UNC13B: variants seen among roughly 807,000 people sequenced by gnomAD.
UNC13B encodes protein unc-13 homolog B.
UNC13B carries 144 observed loss-of-function variants against 211.0 expected under a neutral mutation model. The observed-to-expected ratio is 0.68, with a 90% CI of 0.60 to 0.78. The LOEUF (loss-of-function observed/expected upper bound fraction) is 0.78, where lower values mean the gene tolerates loss of function less well. Ranked by LOEUF, UNC13B falls within the 30% of genes least tolerant of loss-of-function variation. UNC13B has a pLI of 0.00. For missense variants in UNC13B, 1,777 were observed against 2,002.0 expected (o/e 0.89, Z 2.14); for synonymous variants, 709 against 725.8 (o/e 0.98, Z 0.37).
In UNC13B at chr9:35,343,098, T is replaced by C. The variant is rs142612587; in HGVS notation, c.9415-23849T>C. On this transcript the variant is annotated intron_variant, in intron 11 of 39. Coordinates refer to ENST00000635942, the MANE Select transcript of UNC13B (RefSeq NM_001371189.2). ...CATGTATGAAGAAAGAGCACTAACT[T>C]TGCAGATTGAAGACTCACTTTTAAA... Among the ~76,000 whole-genome samples, 323 of 152,354 alleles carry C rather than the reference T, an allele frequency of 2.1e-3. 3 individuals carry two copies. The highest frequency in any genetic ancestry group is 6.7e-3 in the African/African-American group (277 of 41,590).
Position 35,256,674 on chromosome 9 carries a change from C to T in UNC13B, c.469-2319C>T, listed in dbSNP as rs1587481459. Among the ~76,000 whole-genome samples the T allele has an allele frequency of 1.3e-5, 2 of 152,176 alleles. 1 individual carries two copies. The highest frequency in any genetic ancestry group is 1.3e-4 in the Admixed American group (2 of 15,282). Reference sequence around the variant, plus strand: ...TTGAACTGGCCTAGCATTTAATACCCACCTGGACAGGCTATATGTACATTT... The same window carrying T: ...TTGAACTGGCCTAGCATTTAATACCTACCTGGACAGGCTATATGTACATTT... On this transcript the variant is annotated intron_variant, in intron 6 of 39. Coordinates refer to ENST00000635942, the MANE Select transcript of UNC13B (RefSeq NM_001371189.2).
chr9:35,354,055 G>A (rs1378669374), intron 11 of UNC13B, among the ~76,000 whole-genome samples: 2 of 152,174 alleles, frequency 1.3e-5, no homozygotes, highest in African/African-American at 4.8e-5. Flanking sequence ...AGAGGAAGCC[G>A]TCCTTATCTT....
chr9:35,394,132 C>A (rs1835723654), intron 26 of UNC13B, among the ~76,000 whole-genome samples: 1 of 151,824 alleles, frequency 6.6e-6, no homozygotes, highest in African/African-American at 2.4e-5. Flanking sequence ...CAGGGGCTGG[C>A]GATTTAACTG....
At chr9:35,374,832 G>A (rs1471925705) in intron 13 of UNC13B, among the ~76,000 whole-genome samples, 1 of 152,118 alleles carries the variant, frequency 6.6e-6, no homozygotes, top group East Asian at 1.9e-4. Context: ...TAAACAAGGA[G>A]TTTCTGTGGG....
chr9:35,258,449 G>C (rs1005841363), intron 6 of UNC13B, among the ~76,000 whole-genome samples: 6 of 152,188 alleles, frequency 3.9e-5, no homozygotes, highest in African/African-American at 1.4e-4. Context: ...TGGTGGGTGG[G>C]ATGGCGGAGG....
At chr9:35,213,456 A>G (rs965336246) in intron 1 of UNC13B, among the ~76,000 whole-genome samples, 25 of 152,322 alleles carry the variant, frequency 1.6e-4, no homozygotes, top group African/African-American at 5.8e-4. Flanking sequence ...ACTGTGAGAA[A>G]TAAATTATTG....
intron 14 of UNC13B, 45 bp downstream of exon 14, chr9:35,375,246 G>A: frequency 6.3e-7 from 1 of 1,581,648 alleles, no homozygotes; most frequent in Non-Finnish European, 8.7e-7. Context: ...CCTCAGGACT[G>A]GTGATCATCT....
At position 35,209,915 on chromosome 9, in the gene UNC13B, C is replaced by T. The variant is rs370550954; in HGVS notation, c.23-18100C>T. ...GTGGACTAATACTTTCCTTAGGTGC[C>T]TTACCCTTCTTTTAAGCACACGGCA... On this transcript the variant is annotated intron_variant, in intron 1 of 39. Coordinates refer to ENST00000635942, the MANE Select transcript of UNC13B (RefSeq NM_001371189.2). Among the ~76,000 whole-genome samples the T allele has an allele frequency of 7.6e-4, 115 of 152,052 alleles. 2 individuals are homozygous for T. The South Asian group carries it at 0.019, about 25-fold the overall frequency.
intron 16 of UNC13B, 138 bp from the exon 17 acceptor site, chr9:35,378,157 C>T: frequency 3.1e-6 from 4 of 1,271,868 alleles, no homozygotes; most frequent in Non-Finnish European, 4.2e-6. Context: ...TGGCCCAGGA[C>T]AAAGAATAAA....
chr9:35,227,160 AT>A (rs1824895290), intron 1 of UNC13B, among the ~76,000 whole-genome samples: 1 of 152,190 alleles, frequency 6.6e-6, no homozygotes, highest in African/African-American at 2.4e-5. Flanking sequence ...AAAAGAATAG[AT>A]TTTAGTAAAA....
At chr9:35,207,165 G>A (rs538737725) in intron 1 of UNC13B, among the ~76,000 whole-genome samples, 2 of 152,154 alleles carry the variant, frequency 1.3e-5, no homozygotes, top group East Asian at 3.9e-4. Flanking sequence ...CATCCTAATG[G>A]GTGTGAAATG....
intron 11 of UNC13B, among the ~76,000 whole-genome samples, chr9:35,349,751 A>G (rs1410747583): frequency 1.3e-5 from 2 of 152,218 alleles, no homozygotes; most frequent in African/African-American, 2.4e-5. Flanking sequence ...AATCAGCTTC[A>G]TCTTTATCCC....
chr9:35,332,337 A>G (rs972820502), intron 11 of UNC13B, among the ~76,000 whole-genome samples: 6 of 152,172 alleles, frequency 3.9e-5, no homozygotes. Flanking sequence ...GTTATCTACT[A>G]GTTATTTTCA....
At position 35,325,501 on chromosome 9, in the gene UNC13B, C is replaced by T. The variant is rs374607615; in HGVS notation, c.9414+11512C>T. Among the ~76,000 whole-genome samples, 111 of 152,284 alleles carry T rather than the reference C, an allele frequency of 7.3e-4. 1 individual carries two copies. In the South Asian group the frequency reaches 0.018, roughly 25 times the overall value. ...GTACTCTTGCAGCCTTCTCATTCAG[C>T]CCTACTTTCATACCATTTCCCCTCA... On this transcript the variant is annotated intron_variant, in intron 11 of 39. Coordinates refer to ENST00000635942, the MANE Select transcript of UNC13B (RefSeq NM_001371189.2).
chr9:35,359,656 G>C (rs545294418), intron 11 of UNC13B, among the ~76,000 whole-genome samples: 1 of 152,196 alleles, frequency 6.6e-6, no homozygotes, highest in South Asian at 2.1e-4. Context: ...AGTCATTCTT[G>C]ACTCTCCCTT....
intron 26 of UNC13B, among the ~76,000 whole-genome samples, chr9:35,390,969 T>G (rs535791866): frequency 3.9e-5 from 6 of 152,344 alleles, no homozygotes; most frequent in African/African-American, 1.4e-4. Flanking sequence ...GTTCAAGACC[T>G]TCCCAGCCCA....
intron 1 of UNC13B, among the ~76,000 whole-genome samples, chr9:35,207,681 C>T (rs1823743075): frequency 6.6e-6 from 1 of 151,904 alleles, no homozygotes; most frequent in Non-Finnish European, 1.5e-5. Context: ...TTATTCAGAT[C>T]CTTTGCCCAT....
intron 36 of UNC13B, 111 bp downstream of exon 36, chr9:35,399,840 A>G (rs757547540): frequency 2.2e-5 from 23 of 1,059,548 alleles, no homozygotes; most frequent in Non-Finnish European, 3.0e-5. Flanking sequence ...CACATCCAGA[A>G]GAGAGTTACT....
intron 11 of UNC13B, among the ~76,000 whole-genome samples, chr9:35,322,628 C>T (rs1041743695): frequency 1.3e-5 from 2 of 152,114 alleles, no homozygotes; most frequent in African/African-American, 2.4e-5. Context: ...TGCAAAGTTC[C>T]GTTCTCACTT....
Sources: gnomAD v4.1 joint callset for allele counts (sites outside exome capture counted in the v4.1 genomes callset) on GRCh38, gnomAD v4.1.1 for gene constraint, MANE v1.5 for transcripts, NCBI Gene and HGNC (gene_info 2026-07-23, HGNC 2026-07-21) for gene names.